AOPEP: variants seen among roughly 807,000 people sequenced by gnomAD.
AOPEP encodes the protein aminopeptidase O.
AOPEP carries 77 observed loss-of-function variants against 98.1 expected under a neutral mutation model. The ratio of observed to expected loss-of-function variants is 0.78; its 90% CI spans 0.65 to 0.95. The LOEUF (loss-of-function observed/expected upper bound fraction) is 0.95. Ranked by LOEUF, AOPEP falls within the 40% of genes least tolerant of loss-of-function variation. The pLI is 0.00. For synonymous variants in AOPEP, 346 were observed against 365.3 expected (o/e 0.95, Z 0.60); for missense variants, 1,024 against 1,024.7 (o/e 1.00, Z 0.01).
At chr9:94,991,229 G>C (rs926074443) in intron 11 of AOPEP, among the ~76,000 whole-genome samples, 1 of 152,162 alleles carries the variant, frequency 6.6e-6, no homozygotes, top group African/African-American at 2.4e-5. Flanking sequence ...TTACAGTCAG[G>C]GCTTTTTTTC....
chr9:95,069,679 T>C (rs1290288113), intron 14 of AOPEP, among the ~76,000 whole-genome samples: 2 of 152,288 alleles, frequency 1.3e-5, no homozygotes, highest in Admixed American at 1.3e-4. Flanking sequence ...TTGCCTCTTT[T>C]ATCATACTTG....
chr9:94,855,900 A>C (rs1343606862), intron 5 of AOPEP, among the ~76,000 whole-genome samples: 1 of 152,218 alleles, frequency 6.6e-6, no homozygotes, highest in Admixed American at 6.5e-5. Context: ...CTGAAAGAAT[A>C]TATATAACAA....
At chr9:94,839,484 A>G (rs1211903610) in intron 5 of AOPEP, among the ~76,000 whole-genome samples, 2 of 152,142 alleles carry the variant, frequency 1.3e-5, no homozygotes, top group Admixed American at 6.5e-5. Flanking sequence ...CAGCCTCCCA[A>G]AGTGCTGGGA....
intron 16 of AOPEP, among the ~76,000 whole-genome samples, chr9:95,084,270 G>A (rs1295540876): frequency 6.6e-6 from 1 of 152,156 alleles, no homozygotes; most frequent in African/African-American, 2.4e-5. Flanking sequence ...TCTGTGTAAC[G>A]TGTTTAAGTA....
chr9:95,102,018 T>C, the AOPEP span, among the ~76,000 whole-genome samples: 4 of 152,208 alleles, frequency 2.6e-5, no homozygotes, highest in Admixed American at 1.3e-4. Context: ...GTGATTAGCA[T>C]AGCAAGTCTG....
chr9:94,793,981 C>T (rs764372143), intron 4 of AOPEP, among the ~76,000 whole-genome samples: 1 of 152,190 alleles, frequency 6.6e-6, no homozygotes, highest in Non-Finnish European at 1.5e-5. Context: ...ACTGTAGGGA[C>T]AGCATCTCCC....
intron 5 of AOPEP, among the ~76,000 whole-genome samples, 200 bp from the exon 6 acceptor site, chr9:94,923,786 C>T (rs2053930430): frequency 6.6e-6 from 1 of 152,080 alleles, no homozygotes; most frequent in Admixed American, 6.6e-5. Flanking sequence ...TTGGCAGAAA[C>T]GGCCACCTGA....
chr9:94,779,128 A>G (rs953329647), intron 3 of AOPEP, among the ~76,000 whole-genome samples: 2 of 152,112 alleles, frequency 1.3e-5, no homozygotes, highest in African/African-American at 4.8e-5. Flanking sequence ...CAGCTTCTTT[A>G]TCTGGGCTCT....
In AOPEP at chr9:94,759,688, T is replaced by C; in HGVS notation, c.-96T>C. On this transcript the variant is annotated 5_prime_UTR_variant, in exon 2 of 17. Coordinates refer to ENST00000375315, the MANE Select transcript of AOPEP (RefSeq NM_001193329.3). The stretch of plus-strand genomic sequence containing the variant: ...CCATAATTTGTGACATCAGTTGTTT[T>C]CTTTGATAAGCAGCTATTTATGATT... 1.0e-6 allele frequency: 1 copy of C among 975,128 alleles called. No homozygotes were observed. The highest frequency in any genetic ancestry group is 1.5e-6 in the Non-Finnish European group (1 of 666,380). The allele number at this position is 975,128 out of a possible 1,614,324, so 60.4% of individuals were successfully genotyped here.
At chr9:94,951,461 T>A (rs1292317337) in intron 7 of AOPEP, among the ~76,000 whole-genome samples, 1 of 152,224 alleles carries the variant, frequency 6.6e-6, no homozygotes, top group Non-Finnish European at 1.5e-5. Flanking sequence ...GGACTCACTT[T>A]CTTTAACTTT....
chr9:94,992,165 C>A (rs7042271), intron 11 of AOPEP, among the ~76,000 whole-genome samples: 29,392 of 152,184 alleles, frequency 0.19, 6,584 homozygotes, highest in African/African-American at 0.54. Flanking sequence ...CAACAAGTGT[C>A]TCACAGGTCA....
Position 94,924,048 on chromosome 9 carries a change from G to T in AOPEP, c.1427G>T (p.Arg476Leu). ...LTGGNHLCGTRLCHEIAHAWF... is the reference protein window; with the variant it reads ...LTGGNHLCGTLLCHEIAHAWF... ...GGAGGGAACCATCTCTGTGGGACCC[G>T]CCTCTGCCATGAAATTGCCCATGCC... Residue 476 changes from arginine (R) to leucine (L), a missense_variant, in exon 6 of 17, where the codon CGC (arginine) becomes CTC (leucine). Transcript: ENST00000375315. 3 of 1,522,648 alleles carry T rather than the reference G, an allele frequency of 2.0e-6. 1 individual carries two copies. In the South Asian group the frequency reaches 3.8e-5, roughly 19 times the overall value. 94.3% of individuals were successfully genotyped at this position (1,522,648 alleles called of 1,614,324 possible). A position where few individuals can be genotyped will look rare whatever the true frequency, so the allele number is the denominator to read the frequency against.
At chr9:94,964,635 CTTT>C (rs1240777817) in intron 9 of AOPEP, among the ~76,000 whole-genome samples, 36 of 122,606 alleles carry the variant, frequency 2.9e-4, no homozygotes, top group African/African-American at 9.3e-4. Flanking sequence ...AGTACTTGGA[CTTT>C]TTTTTTTTTT....
intron 3 of AOPEP, among the ~76,000 whole-genome samples, chr9:94,790,634 A>T (rs544192274): frequency 3.9e-4 from 60 of 152,212 alleles, no homozygotes; most frequent in Non-Finnish European, 7.8e-4. Flanking sequence ...CATGGCTTCC[A>T]GACTTGAATC....
At position 94,760,082 on chromosome 9, in the gene AOPEP, C is replaced by G; in HGVS notation, c.299C>G (p.Ala100Gly). 1 of 1,614,130 alleles carries G rather than the reference C, an allele frequency of 6.2e-7. No homozygotes were observed. The highest frequency in any genetic ancestry group is 8.5e-7 in the Non-Finnish European group (1 of 1,180,028). The change falls in exon 2 of 17, where the codon GCA becomes GGA. Residue 100 changes from alanine (A) to glycine (G), a missense_variant. Physicochemically the swap from Ala to Gly is moderately conservative, Grantham distance 60. This residue lies in a region of AOPEP where 440 missense variants were observed against 433.8 expected (regional missense o/e 1.01). Transcript: ENST00000375315. ...TCTGAAATGGAATATAATGATTTTGCAATCTGTAGTAAAGGTGAAAAAGAT... is the reference window on the plus strand; with the variant it reads ...TCTGAAATGGAATATAATGATTTTGGAATCTGTAGTAAAGGTGAAAAAGAT... ...FSSEMEYNDF[A>G]ICSKGEKDTS...
chr9:94,967,696 T>C, intron 9 of AOPEP, 62 bp from the exon 10 acceptor site: 1 of 1,419,504 alleles, frequency 7.0e-7, no homozygotes, highest in Non-Finnish European at 1.0e-6. Context: ...GCCTCTGGCA[T>C]GGTTCCAGGC....
the AOPEP span, among the ~76,000 whole-genome samples, chr9:95,124,757 T>G: frequency 2.6e-5 from 4 of 152,206 alleles, no homozygotes; most frequent in Admixed American, 2.6e-4. Context: ...GAGGCTCAGA[T>G]GCAGCCAGGG....
At chr9:94,838,267 C>T (rs1358805591) in intron 5 of AOPEP, among the ~76,000 whole-genome samples, 6 of 152,186 alleles carry the variant, frequency 3.9e-5, no homozygotes, top group Non-Finnish European at 8.8e-5. Flanking sequence ...CCTCGGCCTC[C>T]CAAATTGGTG....
chr9:94,888,401 A>G (rs974294269), intron 5 of AOPEP, among the ~76,000 whole-genome samples: 3 of 151,816 alleles, frequency 2.0e-5, no homozygotes, highest in Non-Finnish European at 2.9e-5. Flanking sequence ...GGGCCTATGT[A>G]CCCATCAGTC....
Sources: allele counts gnomAD v4.1 joint callset (sites outside exome capture counted in the v4.1 genomes callset), GRCh38; gene constraint gnomAD v4.1.1; regional missense constraint gnomAD v4.1.1; transcripts MANE v1.5; gene names NCBI Gene and HGNC (gene_info 2026-07-23, HGNC 2026-07-21).